Variants in ANTXR1 observed in about 807,000 individuals in gnomAD.
ANTXR1 encodes the protein ANTXR cell adhesion molecule 1.
ANTXR1 carries 19 observed loss-of-function variants against 78.1 expected under a neutral mutation model. The observed-to-expected ratio is 0.24, with a 90% CI of 0.17 to 0.36. ANTXR1 has a LOEUF of 0.36. ANTXR1 is among the 10% of genes least tolerant of loss of function. ANTXR1 has a pLI of 1.00. For missense variants in ANTXR1, 518 were observed against 718.6 expected (o/e 0.72, Z 3.19); for synonymous variants, 273 against 260.5 (o/e 1.05, Z -0.46).
intron 17 of ANTXR1, among the ~76,000 whole-genome samples, chr2:69,242,000 T>C (rs1401667902): frequency 3.9e-5 from 6 of 152,098 alleles, no homozygotes; most frequent in South Asian, 2.1e-4. Flanking sequence ...CCCTCCCCTC[T>C]GGCTGCTCGA....
At chr2:69,132,953 C>T (rs1476517256) in intron 12 of ANTXR1, among the ~76,000 whole-genome samples, 1 of 152,140 alleles carries the variant, frequency 6.6e-6, no homozygotes, top group Non-Finnish European at 1.5e-5. Flanking sequence ...GGTATAAAAG[C>T]AAATATCACA....
rs1230636160 is a variant in ANTXR1, at chr2:69,073,098, G to A, written c.489G>A (p.Arg163=). The change falls in exon 6 of 18, where the codon AGG becomes AGA. Residue 163 remains arginine, a synonymous_variant. Transcript: ENST00000303714. ...LHEDLFFYSE[R]EANRSRDLGA... ...AAGATCTCTTTTTCTATTCAGAGAG[G>A]GAGGTAAGCAACGGCCTGGCTGTGT... is the stretch of plus-strand genomic sequence containing the variant. 1 of 1,613,882 alleles carries A rather than the reference G, an allele frequency of 6.2e-7. No homozygotes were observed. Among genetic ancestry groups the A allele is most frequent in the East Asian group, 2.2e-5 (1 of 44,896 alleles).
intron 17 of ANTXR1, among the ~76,000 whole-genome samples, chr2:69,194,678 C>A (rs1674621597): frequency 6.6e-6 from 1 of 151,878 alleles, no homozygotes. Flanking sequence ...TATGGTTAAA[C>A]CCCATCTCTA....
chr2:69,133,021 A>G (rs941988170), intron 12 of ANTXR1, among the ~76,000 whole-genome samples: 3 of 152,226 alleles, frequency 2.0e-5, no homozygotes, highest in Non-Finnish European at 4.4e-5. Context: ...AGATAAGTCA[A>G]TGGACACAAA....
chr2:69,171,233 T>C (rs1271877111), intron 14 of ANTXR1, among the ~76,000 whole-genome samples: 1 of 152,214 alleles, frequency 6.6e-6, no homozygotes, highest in Non-Finnish European at 1.5e-5. Flanking sequence ...TCCATGTGGC[T>C]CTTATATCCT....
intron 14 of ANTXR1, among the ~76,000 whole-genome samples, chr2:69,177,273 A>G (rs1000237211): frequency 6.6e-6 from 1 of 152,190 alleles, no homozygotes; most frequent in Non-Finnish European, 1.5e-5. Context: ...AGGCATGTGG[A>G]GCCCTGCATG....
chr2:69,245,553 AGAG>A lies in ANTXR1; in HGVS notation c.*69_*71del. The A allele has an allele frequency of 6.3e-7, 1 of 1,592,520 alleles. No homozygotes were observed. Among genetic ancestry groups the A allele is most frequent in the South Asian group, 1.1e-5 (1 of 88,020 alleles). On this transcript the variant is annotated 3_prime_UTR_variant, in exon 18 of 18. Coordinates refer to ENST00000303714, the MANE Select transcript of ANTXR1 (RefSeq NM_032208.3). The stretch of plus-strand genomic sequence containing the variant: ...GATGTTAGAACAAGTCTTTCCAGTT[AGAG>A]AAGAGGAGTGGTGATAAAGCCCACT...
At chr2:69,044,686 G>A (rs868184916) in intron 2 of ANTXR1, 56 bp from the exon 3 acceptor site, 1 of 1,562,672 alleles carries the variant, frequency 6.4e-7, no homozygotes, top group Middle Eastern at 1.7e-4. Flanking sequence ...GAGCCTGAAG[G>A]GAGTGGCATG....
intron 17 of ANTXR1, among the ~76,000 whole-genome samples, chr2:69,204,312 G>A (rs1178669394): frequency 6.6e-6 from 1 of 152,090 alleles, no homozygotes; most frequent in Non-Finnish European, 1.5e-5. Flanking sequence ...GAGCCAGCCT[G>A]CTATAAAACA....
intron 16 of ANTXR1, chr2:69,182,997 T>G (rs1396372014): frequency 8.1e-5 from 20 of 247,872 alleles, no homozygotes; most frequent in African/African-American, 5.4e-4. Context: ...AAAAAAAAAA[T>G]CACCATGGCA....
intron 3 of ANTXR1, among the ~76,000 whole-genome samples, chr2:69,067,594 C>G (rs1248521574): frequency 6.6e-6 from 1 of 152,102 alleles, no homozygotes; most frequent in Non-Finnish European, 1.5e-5. Flanking sequence ...CGTCTCTCAC[C>G]TAACTGTCAG....
At chr2:69,160,216 C>A (rs975748015) in intron 13 of ANTXR1, among the ~76,000 whole-genome samples, 9 of 152,168 alleles carry the variant, frequency 5.9e-5, no homozygotes, top group Non-Finnish European at 1.0e-4. Context: ...AGGGCAGGTA[C>A]ACCACACACC....
At chr2:69,022,449 A>G (rs926003183) in intron 1 of ANTXR1, among the ~76,000 whole-genome samples, 19 of 152,220 alleles carry the variant, frequency 1.2e-4, no homozygotes, top group African/African-American at 4.6e-4. Flanking sequence ...ACTCCTGACT[A>G]AAAGAAGGCA....
chr2:69,167,407 C>T (rs1311400998), intron 13 of ANTXR1, among the ~76,000 whole-genome samples: 7 of 152,210 alleles, frequency 4.6e-5, no homozygotes, highest in African/African-American at 7.2e-5. Context: ...CAGACTCTGG[C>T]CCTGAGGGGA....
chr2:69,040,203 A>C lies in ANTXR1; in HGVS notation c.224+88A>C. The C allele has an allele frequency of 5.9e-6, 7 of 1,195,114 alleles. No homozygotes were observed. In the South Asian group the frequency reaches 8.8e-5, roughly 15 times the overall value. The allele number at this position is 1,195,114 out of a possible 1,614,324, so 74.0% of individuals were successfully genotyped here. On this transcript the variant is annotated intron_variant, in intron 2 of 17. Transcript: ENST00000303714. ...TTTGCTATTCTATTAATTACTACATACTTTGGGGATGTTTTTTGACTAAGT... is the reference window on the plus strand; with the variant it reads ...TTTGCTATTCTATTAATTACTACATCCTTTGGGGATGTTTTTTGACTAAGT...
intron 17 of ANTXR1, among the ~76,000 whole-genome samples, chr2:69,219,326 A>G (rs1675257356): frequency 6.6e-6 from 1 of 150,884 alleles, no homozygotes; most frequent in African/African-American, 2.4e-5. Flanking sequence ...AGAAAGGTTA[A>G]TCCCTCTAAC....
At chr2:69,130,921 T>A (rs993748048) in intron 12 of ANTXR1, among the ~76,000 whole-genome samples, 1 of 152,214 alleles carries the variant, frequency 6.6e-6, no homozygotes, top group African/African-American at 2.4e-5. Context: ...GATGTGGTGA[T>A]AAGTCAAACA....
chr2:69,247,154 C>T lies in ANTXR1; in HGVS notation c.*1669C>T, dbSNP rs2104538678. 6.5e-6 allele frequency: 1 copy of T among 152,904 alleles called. No homozygotes were observed. The highest frequency in any genetic ancestry group is 2.4e-5 in the African/African-American group (1 of 41,554). The allele number at this position is 152,904 out of a possible 1,614,324, so 9.5% of individuals were successfully genotyped here. The stretch of plus-strand genomic sequence containing the variant: ...TTAAGCCCACTGATTTCTTCACAAT[C>T]CTTCTCAAATTACAATTCCAAAGAG... On this transcript the variant is annotated 3_prime_UTR_variant, in exon 18 of 18. Coordinates refer to ENST00000303714, the MANE Select transcript of ANTXR1 (RefSeq NM_032208.3).
intron 3 of ANTXR1, among the ~76,000 whole-genome samples, chr2:69,052,482 T>C (rs79217551): frequency 2.4e-3 from 365 of 152,136 alleles, no homozygotes; most frequent in African/African-American, 8.0e-3. Context: ...GAGATGCCAA[T>C]TTAATATATC....
Sources: allele counts gnomAD v4.1 joint callset (sites outside exome capture counted in the v4.1 genomes callset), GRCh38; gene constraint gnomAD v4.1.1; transcripts MANE v1.5; gene names NCBI Gene and HGNC (gene_info 2026-07-23, HGNC 2026-07-21).